LEKR1: variants seen among roughly 807,000 people sequenced by gnomAD.
LEKR1 encodes leucine, glutamate and lysine rich 1.
In LEKR1, 59 loss-of-function variants were observed where a neutral mutation model predicts 72.4. The ratio of observed to expected loss-of-function variants is 0.82; its 90% CI spans 0.66 to 1.01. LEKR1 has a LOEUF of 1.01. Among genes scored for constraint, LEKR1 ranks in the 50% least tolerant of loss-of-function variants. LEKR1 has a pLI of 0.00. For synonymous variants in LEKR1, 257 were observed against 263.2 expected (o/e 0.98, Z 0.23); for missense variants, 728 against 759.2 (o/e 0.96, Z 0.48).
chr3:156,839,044 G>A (rs1274944583), intron 2 of LEKR1, among the ~76,000 whole-genome samples: 1 of 152,142 alleles, frequency 6.6e-6, no homozygotes, highest in African/African-American at 2.4e-5. Flanking sequence ...GACACAAAAT[G>A]CATTAGTAAG....
intron 12 of LEKR1, among the ~76,000 whole-genome samples, chr3:157,043,154 T>C (rs1053117591): frequency 4.6e-5 from 7 of 152,192 alleles, no homozygotes; most frequent in Admixed American, 1.3e-4. Context: ...CCTTCCACCA[T>C]GACTAAAAGC....
At chr3:157,037,550 C>T in intron 12 of LEKR1, among the ~76,000 whole-genome samples, 1 of 152,102 alleles carries the variant, frequency 6.6e-6, no homozygotes, top group East Asian at 1.9e-4. Flanking sequence ...CAGATTCTAG[C>T]TTAAACTTAG....
chr3:156,857,330 G>A (rs1271699128), intron 3 of LEKR1, among the ~76,000 whole-genome samples: 1 of 152,000 alleles, frequency 6.6e-6, no homozygotes, highest in Non-Finnish European at 1.5e-5. Context: ...CCTTCTTCAT[G>A]ATTCTTGCCA....
chr3:156,979,006 T>C (rs1729945056), intron 6 of LEKR1, among the ~76,000 whole-genome samples, 188 bp from the exon 7 acceptor site: 1 of 152,146 alleles, frequency 6.6e-6, no homozygotes, highest in South Asian at 2.1e-4. Flanking sequence ...ATTAAGTCTG[T>C]GGGGTGTTAG....
chr3:157,016,596 CA>C (rs1029829225), intron 10 of LEKR1, among the ~76,000 whole-genome samples: 14 of 151,396 alleles, frequency 9.2e-5, no homozygotes, highest in African/African-American at 3.4e-4. Context: ...GTCCTTTAGT[CA>C]GAAGGAAAGC....
chr3:156,993,882 T>C (rs1731335884), intron 9 of LEKR1, among the ~76,000 whole-genome samples: 2 of 152,192 alleles, frequency 1.3e-5, no homozygotes, highest in South Asian at 4.1e-4. Flanking sequence ...ATTTGCCTGC[T>C]ATGTCTTTGC....
chr3:156,930,877 A>C (rs1313019118), intron 5 of LEKR1, among the ~76,000 whole-genome samples: 1 of 152,154 alleles, frequency 6.6e-6, no homozygotes. Context: ...AATATACCTC[A>C]ACTTCTGCCT....
At chr3:156,892,705 T>A (rs1363679248) in intron 3 of LEKR1, among the ~76,000 whole-genome samples, 1 of 152,240 alleles carries the variant, frequency 6.6e-6, no homozygotes, top group Non-Finnish European at 1.5e-5. Flanking sequence ...AGTCCTCCTC[T>A]TGTGCATGCA....
chr3:156,993,355 C>T, intron 9 of LEKR1, 78 bp downstream of exon 9: 1 of 888,550 alleles, frequency 1.1e-6, no homozygotes, highest in Non-Finnish European at 1.7e-6. Context: ...ACATCAGTGT[C>T]TGACATATTA....
chr3:156,996,133 A>C (rs543039479), intron 9 of LEKR1, among the ~76,000 whole-genome samples: 3 of 152,260 alleles, frequency 2.0e-5, no homozygotes, highest in Non-Finnish European at 4.4e-5. Flanking sequence ...TACATAGCTT[A>C]TATTTTAAGG....
At chr3:157,016,214 C>G (rs1441248058) in intron 10 of LEKR1, among the ~76,000 whole-genome samples, 1 of 151,998 alleles carries the variant, frequency 6.6e-6, no homozygotes, top group Non-Finnish European at 1.5e-5. Context: ...GAAAACTAAA[C>G]ACCCACAGTT....
chr3:156,839,721 GC>G (rs1033200551), intron 2 of LEKR1, among the ~76,000 whole-genome samples: 2 of 152,088 alleles, frequency 1.3e-5, no homozygotes, highest in African/African-American at 4.8e-5. Context: ...ACAAATTGAT[GC>G]TAGATAATAT....
Position 156,886,478 on chromosome 3 carries a change from T to A in LEKR1, c.263+33496T>A, listed in dbSNP as rs138444214. On this transcript the variant is annotated intron_variant, in intron 3 of 12. Transcript: ENST00000356539. Reference sequence around the variant, plus strand: ...TCCCCTGGACTCTGCTAAAGGAAATTTGTACCCAGTCAGAACCACTACCAA... The same window carrying A: ...TCCCCTGGACTCTGCTAAAGGAAATATGTACCCAGTCAGAACCACTACCAA... Among the ~76,000 whole-genome samples, 3 of 152,262 alleles carry A rather than the reference T, an allele frequency of 2.0e-5. No homozygotes were observed. In the East Asian group the frequency reaches 5.8e-4, roughly 29 times the overall value.
At chr3:156,906,285 G>C (rs1462789433) in intron 3 of LEKR1, among the ~76,000 whole-genome samples, 1 of 152,110 alleles carries the variant, frequency 6.6e-6, no homozygotes, top group Non-Finnish European at 1.5e-5. Flanking sequence ...TCTCTAATTT[G>C]TTTTACAACT....
chr3:157,026,318 G>A (rs1333626178), intron 11 of LEKR1, among the ~76,000 whole-genome samples: 1 of 152,146 alleles, frequency 6.6e-6, no homozygotes, highest in Non-Finnish European at 1.5e-5. Flanking sequence ...ATGCAGACAG[G>A]CAAGCTGGAA....
intron 2 of LEKR1, among the ~76,000 whole-genome samples, chr3:156,839,755 G>A (rs140309435): frequency 9.2e-5 from 14 of 152,276 alleles, no homozygotes; most frequent in African/African-American, 2.9e-4. Flanking sequence ...TCAATTATTC[G>A]AGACTGCTTC....
intron 7 of LEKR1, chr3:156,987,990 A>G (rs945615225): frequency 6.6e-6 from 1 of 152,210 alleles, no homozygotes; most frequent in African/African-American, 2.4e-5. Context: ...TTCTCTTTCC[A>G]TCTGAGGATC....
chr3:156,829,505 G>A, intron 2 of LEKR1, 128 bp downstream of exon 2: 8 of 555,398 alleles, frequency 1.4e-5, no homozygotes, highest in Non-Finnish European at 2.5e-5. Flanking sequence ...AGTGGGAGAG[G>A]GAATAATTAT....
chr3:156,961,530 G>A (rs9865537), intron 6 of LEKR1, among the ~76,000 whole-genome samples: 7,099 of 152,198 alleles, frequency 0.047, 594 homozygotes, highest in African/African-American at 0.16. Flanking sequence ...TACAATATGC[G>A]GTCTTTTGTG....
Sources: gnomAD v4.1 joint callset for allele counts (sites outside exome capture counted in the v4.1 genomes callset) on GRCh38, gnomAD v4.1.1 for gene constraint, MANE v1.5 for transcripts, NCBI Gene and HGNC (gene_info 2026-07-23, HGNC 2026-07-21) for gene names.